MMP16: variants seen among roughly 807,000 people sequenced by gnomAD.
The protein encoded by MMP16 is matrix metallopeptidase 16.
Under a neutral mutation model 67.8 loss-of-function variants are expected in MMP16, and 12 were observed. That is an observed-to-expected ratio of 0.18 (90% CI 0.11 to 0.29). The LOEUF (loss-of-function observed/expected upper bound fraction) is 0.29, where lower values mean the gene tolerates loss of function less well. Ranked by LOEUF, MMP16 falls within the 10% of genes least tolerant of loss-of-function variation. The pLI, the probability that MMP16 is intolerant of heterozygous loss-of-function variation, is 1.00. For synonymous variants in MMP16, 249 were observed against 255.9 expected (o/e 0.97, Z 0.26); for missense variants, 475 against 765.7 (o/e 0.62, Z 4.48).
intron 4 of MMP16, among the ~76,000 whole-genome samples, chr8:88,163,107 T>G (rs574816711): frequency 2.0e-5 from 3 of 152,210 alleles, no homozygotes; most frequent in Admixed American, 1.3e-4. Flanking sequence ...TGTGCAGACG[T>G]AAACCTGCTG....
intron 4 of MMP16, among the ~76,000 whole-genome samples, chr8:88,154,565 T>C (rs1446708976): frequency 6.6e-6 from 1 of 151,534 alleles, no homozygotes; most frequent in Non-Finnish European, 1.5e-5. Flanking sequence ...ATGTCCTTTG[T>C]AGGGACATGG....
chr8:88,216,512 T>C (rs543447832), intron 1 of MMP16, among the ~76,000 whole-genome samples: 1 of 152,274 alleles, frequency 6.6e-6, no homozygotes, highest in African/African-American at 2.4e-5. Flanking sequence ...AAAATATTTT[T>C]CATAGCAAAA....
chr8:88,105,597 G>C (rs1809223884), intron 6 of MMP16, among the ~76,000 whole-genome samples: 1 of 151,442 alleles, frequency 6.6e-6, no homozygotes, highest in Non-Finnish European at 1.5e-5. Context: ...AAAATTGGTT[G>C]CCCCACCATC....
At chr8:88,111,758 T>G (rs1477878684) in intron 6 of MMP16, among the ~76,000 whole-genome samples, 1 of 151,734 alleles carries the variant, frequency 6.6e-6, no homozygotes, top group Non-Finnish European at 1.5e-5. Flanking sequence ...TGGGGGATAC[T>G]ACAATAATTA....
chr8:88,046,829 A>C, intron 8 of MMP16, 45 bp from the exon 9 acceptor site: 5 of 1,246,346 alleles, frequency 4.0e-6, no homozygotes, highest in Non-Finnish European at 5.7e-6. Flanking sequence ...TAACACACAT[A>C]TAGGGAAAGA....
intron 9 of MMP16, among the ~76,000 whole-genome samples, chr8:88,044,284 TG>T (rs1361549571): frequency 2.0e-5 from 3 of 152,318 alleles, no homozygotes; most frequent in African/African-American, 7.2e-5. Flanking sequence ...TAGACCAGCC[TG>T]GGCACCATAG....
At chr8:88,177,658 C>T (rs1216745790) in intron 3 of MMP16, among the ~76,000 whole-genome samples, 1 of 152,254 alleles carries the variant, frequency 6.6e-6, no homozygotes. Context: ...ATAATAAACG[C>T]CAGTGTTAAA....
Position 88,074,761 on chromosome 8 carries a change from G to A in MMP16, c.1084-18C>T, listed in dbSNP as rs1179099037. 1.2e-6 allele frequency: 2 copies of A among 1,608,882 alleles called. No individual in the cohort carries two copies. The highest frequency in any genetic ancestry group is 8.5e-7 in the Non-Finnish European group (1 of 1,177,090). On this transcript the variant is annotated intron_variant, in intron 6 of 9. Coordinates refer to ENST00000286614, the MANE Select transcript of MMP16 (RefSeq NM_005941.5). ...CACTGGTCCTGCAAACCAAGCAAAG[G>A]CATCTCTCAACAAACACGTAGGCCT...
At chr8:88,286,580 A>T (rs1232202227) in intron 1 of MMP16, among the ~76,000 whole-genome samples, 1 of 149,000 alleles carries the variant, frequency 6.7e-6, no homozygotes, top group African/African-American at 2.5e-5. Context: ...CTGGAACTCA[A>T]TTTTTTTTTT....
chr8:88,051,528 C>A (rs1398128697), intron 8 of MMP16, among the ~76,000 whole-genome samples: 1 of 152,034 alleles, frequency 6.6e-6, no homozygotes, highest in Non-Finnish European at 1.5e-5. Context: ...TTAATCAATG[C>A]CCCAAAGTCC....
At chr8:88,200,174 A>G (rs1222866394) in intron 1 of MMP16, among the ~76,000 whole-genome samples, 1 of 152,008 alleles carries the variant, frequency 6.6e-6, no homozygotes, top group East Asian at 1.9e-4. Context: ...CTGTCAGGAA[A>G]GACAAACAAC....
chr8:88,085,841 A>G (rs1179892316), intron 6 of MMP16, among the ~76,000 whole-genome samples: 2 of 152,066 alleles, frequency 1.3e-5, no homozygotes, highest in Non-Finnish European at 2.9e-5. Flanking sequence ...AATGTTAAAT[A>G]TTCACTTTTA....
intron 1 of MMP16, 47 bp from the exon 2 acceptor site, chr8:88,197,353 C>T (rs766953700): frequency 4.1e-6 from 6 of 1,466,386 alleles, no homozygotes; most frequent in Non-Finnish European, 5.4e-6. Context: ...TACAATTTAA[C>T]AATAATTTTC....
At chr8:88,117,657 C>A (rs1418584166) in intron 5 of MMP16, among the ~76,000 whole-genome samples, 1 of 151,158 alleles carries the variant, frequency 6.6e-6, no homozygotes, top group Non-Finnish European at 1.5e-5. Flanking sequence ...TTCTTGGTAT[C>A]CCAGCAAACT....
intron 6 of MMP16, among the ~76,000 whole-genome samples, chr8:88,098,925 T>C (rs1459684307): frequency 1.3e-5 from 2 of 151,876 alleles, no homozygotes; most frequent in Non-Finnish European, 2.9e-5. Context: ...ATGATACATA[T>C]GTAGATTTTT....
chr8:88,267,597 G>T (rs1810494567), intron 1 of MMP16, among the ~76,000 whole-genome samples: 1 of 152,144 alleles, frequency 6.6e-6, no homozygotes, highest in African/African-American at 2.4e-5. Flanking sequence ...AATACATAAA[G>T]AATGCCACCT....
At chr8:88,156,461 G>A (rs1808510461) in intron 4 of MMP16, among the ~76,000 whole-genome samples, 1 of 152,038 alleles carries the variant, frequency 6.6e-6, no homozygotes, top group African/African-American at 2.4e-5. Flanking sequence ...TAGGGAGGAG[G>A]GCGGGGGTTC....
chr8:88,314,663 C>T (rs1811349924), intron 1 of MMP16, among the ~76,000 whole-genome samples: 1 of 152,152 alleles, frequency 6.6e-6, no homozygotes, highest in South Asian at 2.1e-4. Context: ...TGGGGTTATC[C>T]AGTCTGGCTG....
chr8:88,093,099 T>A (rs1171667278), intron 6 of MMP16, among the ~76,000 whole-genome samples: 1 of 151,790 alleles, frequency 6.6e-6, no homozygotes, highest in East Asian at 1.9e-4. Flanking sequence ...AAAAGCAGAT[T>A]TTGGTCAGGG....
Sources: gnomAD v4.1 joint callset for allele counts (sites outside exome capture counted in the v4.1 genomes callset) on GRCh38, gnomAD v4.1.1 for gene constraint, MANE v1.5 for transcripts, NCBI Gene and HGNC (gene_info 2026-07-23, HGNC 2026-07-21) for gene names.